The following MROH9 variants were observed in gnomAD, a reference collection of about 807,000 sequenced individuals.
The protein encoded by MROH9 is maestro heat-like repeat-containing protein family member 9.
A neutral mutation model predicts 98.2 loss-of-function variants in MROH9; 92 were observed. That is an observed-to-expected ratio of 0.94 (90% CI 0.79 to 1.11). The LOEUF is 1.11. Among genes scored for constraint, MROH9 ranks in the 50% most tolerant of loss-of-function variants. The pLI is 0.00. For missense variants in MROH9, 1,057 were observed against 1,014.8 expected, an observed-to-expected ratio of 1.04 and a Z score of -0.57; for synonymous variants, 397 against 368.9, an observed-to-expected ratio of 1.08 and a Z score of -0.87.
chr1:170,964,076 T>G (rs1461020360), intron 6 of MROH9, among the ~76,000 whole-genome samples: 3 of 152,140 alleles, frequency 2.0e-5, no homozygotes, highest in Non-Finnish European at 4.4e-5. Flanking sequence ...GAGTTAAGCA[T>G]TGACTCCATG....
intron 8 of MROH9, among the ~76,000 whole-genome samples, chr1:170,980,887 A>T (rs1198149845): frequency 6.6e-6 from 1 of 152,234 alleles, no homozygotes; most frequent in Non-Finnish European, 1.5e-5. Flanking sequence ...AAGGTCTAAT[A>T]TGCAGAATTT....
intron 15 of MROH9, chr1:170,998,604 A>G (rs1651676114): frequency 1.0e-5 from 13 of 1,295,898 alleles, no homozygotes; most frequent in African/African-American, 1.5e-5. Flanking sequence ...TTTAATAAAG[A>G]TGGTAGTTAA....
At chr1:170,963,792 T>C (rs1435754415) in intron 6 of MROH9, among the ~76,000 whole-genome samples, 1 of 151,918 alleles carries the variant, frequency 6.6e-6, no homozygotes, top group Admixed American at 6.6e-5. Flanking sequence ...TGAGAAAACA[T>C]GAACACATAT....
intron 3 of MROH9, among the ~76,000 whole-genome samples, chr1:170,955,797 C>T (rs1282679998): frequency 2.0e-5 from 3 of 152,102 alleles, no homozygotes; most frequent in Non-Finnish European, 4.4e-5. Flanking sequence ...TTCCTTTTGC[C>T]GTACAAAAGC....
intron 19 of MROH9, 143 bp from the exon 20 acceptor site, chr1:171,025,167 GAGTTGAGT>G: frequency 1.7e-6 from 1 of 584,706 alleles, no homozygotes. Flanking sequence ...TGGAAAAAGA[GAGTTGAGT>G]TTGGGAACAA....
rs530043792 is a variant in MROH9, at chr1:171,016,141, C to G, written c.1735-22C>G. ...TCTCCTGCTAGTTCCTAAATCCCACCATTTTTTCCTTTTATATGTAGACAG... is the reference window on the plus strand; with the variant it reads ...TCTCCTGCTAGTTCCTAAATCCCACGATTTTTTCCTTTTATATGTAGACAG... On this transcript the variant is annotated intron_variant, in intron 16 of 21. Transcript: ENST00000367759. The G allele has an allele frequency of 1.1e-4, 154 of 1,406,170 alleles. No individual in the cohort carries two copies. The African/African-American group carries it at 2.2e-3, about 20-fold the overall frequency. 87.1% of individuals were successfully genotyped at this position (1,406,170 alleles called of 1,614,324 possible). A position where few individuals can be genotyped will look rare whatever the true frequency, so the allele number is the denominator to read the frequency against.
intron 11 of MROH9, 82 bp downstream of exon 11, chr1:170,990,085 A>C: frequency 5.8e-6 from 8 of 1,389,298 alleles, no homozygotes; most frequent in South Asian, 1.5e-5. Flanking sequence ...TTCAACTCTC[A>C]ATCTACCATA....
intron 3 of MROH9, 79 bp downstream of exon 3, chr1:170,947,652 GATGTTACAAGTA>G: frequency 1.6e-6 from 2 of 1,241,980 alleles, no homozygotes; most frequent in Admixed American, 3.8e-5. Flanking sequence ...CCATTACAAG[GATGTTACAAGTA>G]ATGTTTAAAA....
intron 20 of MROH9, among the ~76,000 whole-genome samples, chr1:171,042,889 C>G (rs957401073): frequency 1.3e-5 from 2 of 152,046 alleles, no homozygotes; most frequent in African/African-American, 4.8e-5. Flanking sequence ...GGTTATTAAC[C>G]TCTTGTCAGA....
At chr1:170,942,305 A>G (rs758039092) in intron 1 of MROH9, among the ~76,000 whole-genome samples, 7 of 151,246 alleles carry the variant, frequency 4.6e-5, no homozygotes, top group Non-Finnish European at 8.8e-5. Context: ...AAGACTCAGC[A>G]TTATCTTGCT....
intron 20 of MROH9, among the ~76,000 whole-genome samples, chr1:171,045,034 C>G (rs1653425167): frequency 1.1e-5 from 1 of 88,998 alleles, no homozygotes; most frequent in Non-Finnish European, 2.0e-5. Context: ...TGGAGTCTCG[C>G]TCTTTCACAC....
chr1:170,961,972 T>C lies in MROH9; in HGVS notation c.371T>C (p.Leu124Ser). 1 of 1,500,738 alleles carries C rather than the reference T, an allele frequency of 6.7e-7. No homozygotes were observed. Among genetic ancestry groups the C allele is most frequent in the Non-Finnish European group, 9.1e-7 (1 of 1,104,794 alleles). 93.0% of individuals were successfully genotyped at this position (1,500,738 alleles called of 1,614,324 possible). Residue 124 changes from leucine (L) to serine (S), a missense_variant, in exon 6 of 22, where the codon TTA (leucine) becomes TCA (serine). Coordinates refer to ENST00000367759, the MANE Select transcript of MROH9 (RefSeq NM_001163629.2). ...AAAGACCTCTACAAACTACAGATCT[T>C]AAAGGTAAAGAGGAAATAAGTAGTT... ...VSKDLYKLQI[L>S]KEMLVWMSKD...
intron 15 of MROH9, among the ~76,000 whole-genome samples, chr1:171,003,719 C>T (rs1651859145): frequency 6.6e-6 from 1 of 152,162 alleles, no homozygotes; most frequent in African/African-American, 2.4e-5. Context: ...GCTGGTTGGC[C>T]TCCTGGCAGG....
intron 20 of MROH9, among the ~76,000 whole-genome samples, chr1:171,032,981 G>A (rs1652973684): frequency 6.6e-6 from 1 of 152,190 alleles, no homozygotes; most frequent in Non-Finnish European, 1.5e-5. Flanking sequence ...TGGAGTTATT[G>A]GAGTTCCTGC....
chr1:171,034,134 T>C (rs899466781), intron 20 of MROH9, among the ~76,000 whole-genome samples: 10 of 152,212 alleles, frequency 6.6e-5, no homozygotes, highest in African/African-American at 2.4e-4. Flanking sequence ...AAAAAACTTT[T>C]ATAGTATTCA....
chr1:171,043,929 T>C (rs1190679531), intron 20 of MROH9, among the ~76,000 whole-genome samples: 1 of 152,198 alleles, frequency 6.6e-6, no homozygotes, highest in Non-Finnish European at 1.5e-5. Flanking sequence ...ATAATTTGAC[T>C]TCTTCTGTTC....
At chr1:171,008,659 G>C (rs28534595) in intron 15 of MROH9, among the ~76,000 whole-genome samples, 9,783 of 152,290 alleles carry the variant, frequency 0.064, 366 homozygotes, top group African/African-American at 0.077. Flanking sequence ...AGGATGCTGA[G>C]ACAGAAGGAT....
At chr1:170,940,963 A>G (rs1210336118) in intron 1 of MROH9, among the ~76,000 whole-genome samples, 1 of 152,104 alleles carries the variant, frequency 6.6e-6, no homozygotes, top group African/African-American at 2.4e-5. Flanking sequence ...TGTCTATTCC[A>G]ATTACGCATT....
At chr1:170,952,193 G>A (rs941217001) in intron 3 of MROH9, among the ~76,000 whole-genome samples, 57 of 151,820 alleles carry the variant, frequency 3.8e-4, no homozygotes, top group African/African-American at 1.3e-3. Context: ...TCAGTGTGGC[G>A]ATTCCTCAGG....
Sources: gnomAD v4.1 joint callset for allele counts (sites outside exome capture counted in the v4.1 genomes callset) on GRCh38, gnomAD v4.1.1 for gene constraint, MANE v1.5 for transcripts, NCBI Gene and HGNC (gene_info 2026-07-23, HGNC 2026-07-21) for gene names.